CCDC178: variants seen among roughly 807,000 people sequenced by gnomAD.
The protein encoded by CCDC178 is coiled-coil domain-containing protein 178.
CCDC178 carries 126 observed loss-of-function variants against 117.4 expected under a neutral mutation model. That is an observed-to-expected ratio of 1.07 (90% CI 0.93 to 1.24). CCDC178 has a LOEUF of 1.24. Ranked by LOEUF, CCDC178 falls within the 50% of genes most tolerant of loss-of-function variation. The pLI is 0.00. For synonymous variants in CCDC178, 283 were observed against 313.4 expected (o/e 0.90, Z 1.02); for missense variants, 1,030 against 986.9 (o/e 1.04, Z -0.59).
chr18:33,023,715 A>C (rs1331414662), intron 21 of CCDC178, among the ~76,000 whole-genome samples: 3 of 152,172 alleles, frequency 2.0e-5, no homozygotes, highest in Admixed American at 2.0e-4. Context: ...AAATGGAAAA[A>C]ATATAAAAAC....
At chr18:33,071,961 AATTTTT>A (rs2057116787) in intron 21 of CCDC178, among the ~76,000 whole-genome samples, 1 of 152,124 alleles carries the variant, frequency 6.6e-6, no homozygotes, top group South Asian at 2.1e-4. Context: ...GCCTGGAAGA[AATTTTT>A]CTTATTATAA....
chr18:33,083,325 C>T (rs2057326245), intron 21 of CCDC178, among the ~76,000 whole-genome samples: 1 of 152,126 alleles, frequency 6.6e-6, no homozygotes, highest in South Asian at 2.1e-4. Flanking sequence ...ACCATTTGTG[C>T]ATATTTTGGT....
chr18:33,174,377 G>A (rs2058639285), intron 20 of CCDC178, among the ~76,000 whole-genome samples: 1 of 152,158 alleles, frequency 6.6e-6, no homozygotes, highest in Non-Finnish European at 1.5e-5. Flanking sequence ...TAAATTAATT[G>A]TCCAAGATCC....
chr18:33,273,698 C>A (rs1031984328), intron 12 of CCDC178, among the ~76,000 whole-genome samples: 2 of 151,538 alleles, frequency 1.3e-5, no homozygotes, highest in Admixed American at 6.6e-5. Context: ...CTACTTCATA[C>A]CATACACAAA....
rs377242750 is a variant in CCDC178 at position 33,266,997 on chromosome 18, G to A, written c.1328C>T (p.Ser443Phe). 8 of 1,600,994 alleles carry A rather than the reference G, an allele frequency of 5.0e-6. No homozygotes were observed. Among genetic ancestry groups the A allele is most frequent in the Middle Eastern group, 1.7e-4 (1 of 6,000 alleles). Residue 443 changes from serine (S) to phenylalanine (F), a missense_variant, in exon 14 of 23, where the codon TCT (serine) becomes TTT (phenylalanine). Coordinates refer to ENST00000383096, the MANE Select transcript of CCDC178 (RefSeq NM_001105528.4). ...TTCCGTCAGTTTTGTACATGCCAAA[G>A]AAATAGCTGAAAAATCTTTTGCAAC... ...SDVAKDFSAISLACTKLTEDN... is the reference protein window; with the variant it reads ...SDVAKDFSAIFLACTKLTEDN...
chr18:33,253,628 G>A (rs2059642339), intron 14 of CCDC178, among the ~76,000 whole-genome samples: 1 of 151,882 alleles, frequency 6.6e-6, no homozygotes, highest in African/African-American at 2.4e-5. Flanking sequence ...GTCAAATGTA[G>A]AGATGGAGAA....
Position 32,937,946 on chromosome 18 carries a change from GT to G in CCDC178, c.*64del. On this transcript the variant is annotated 3_prime_UTR_variant, in exon 23 of 23. Coordinates refer to ENST00000383096, the MANE Select transcript of CCDC178 (RefSeq NM_001105528.4). The stretch of plus-strand genomic sequence containing the variant: ...AAACAGGTGAATGTCCAATTACACT[GT>G]TATCTGAACTGTGTGACTTTTCTTG... The G allele has an allele frequency of 7.9e-7, 1 of 1,267,518 alleles. No individual in the cohort carries two copies. Among genetic ancestry groups the G allele is most frequent in the Non-Finnish European group, 1.2e-6 (1 of 868,558 alleles). 78.5% of individuals were successfully genotyped at this position (1,267,518 alleles called of 1,614,324 possible).
chr18:32,967,997 G>A (rs2054850033), intron 22 of CCDC178, among the ~76,000 whole-genome samples: 2 of 150,818 alleles, frequency 1.3e-5, no homozygotes, highest in African/African-American at 2.4e-5. Flanking sequence ...TCATTTCTTT[G>A]TGACAGCACT....
chr18:33,255,276 G>C (rs2059665362), intron 14 of CCDC178, among the ~76,000 whole-genome samples: 1 of 151,954 alleles, frequency 6.6e-6, no homozygotes, highest in South Asian at 2.1e-4. Flanking sequence ...CAGGTATTCT[G>C]TTATAGTAAC....
At chr18:32,999,531 A>G (rs1405051551) in intron 21 of CCDC178, among the ~76,000 whole-genome samples, 1 of 152,146 alleles carries the variant, frequency 6.6e-6, no homozygotes, top group Non-Finnish European at 1.5e-5. Flanking sequence ...GGTCTTAGGC[A>G]AAACCCAGTG....
At chr18:33,196,410 T>C (rs1453031676) in intron 20 of CCDC178, among the ~76,000 whole-genome samples, 1 of 152,184 alleles carries the variant, frequency 6.6e-6, no homozygotes, top group African/African-American at 2.4e-5. Flanking sequence ...GACTCGGTGC[T>C]ATATGTTTCC....
At chr18:33,138,850 G>A (rs1194393332) in intron 20 of CCDC178, among the ~76,000 whole-genome samples, 1 of 152,146 alleles carries the variant, frequency 6.6e-6, no homozygotes, top group African/African-American at 2.4e-5. Flanking sequence ...TAGTTGCCTT[G>A]AAGTGGTACA....
At chr18:33,048,239 C>G (rs1188998403) in intron 21 of CCDC178, among the ~76,000 whole-genome samples, 3 of 152,122 alleles carry the variant, frequency 2.0e-5, no homozygotes, top group African/African-American at 7.2e-5. Flanking sequence ...GTCTACAGAA[C>G]TGTGAAGCAA....
chr18:33,020,501 A>C (rs116865298), intron 21 of CCDC178, among the ~76,000 whole-genome samples: 166 of 152,290 alleles, frequency 1.1e-3, no homozygotes, highest in Non-Finnish European at 2.1e-3. Context: ...TTTCCTTTAA[A>C]TAAGATAAGG....
At chr18:33,422,997 T>C (rs1380241174) in intron 2 of CCDC178, among the ~76,000 whole-genome samples, 1 of 152,220 alleles carries the variant, frequency 6.6e-6, no homozygotes, top group Non-Finnish European at 1.5e-5. Flanking sequence ...ATTCCTCTAA[T>C]TTTGTTTGCT....
chr18:33,335,243 A>G (rs1329411776), intron 9 of CCDC178, among the ~76,000 whole-genome samples: 2 of 152,038 alleles, frequency 1.3e-5, no homozygotes, highest in Non-Finnish European at 2.9e-5. Context: ...TTTTTGATAT[A>G]ACAAAAGCTA....
chr18:33,254,875 AGTTT>A (rs1410896555), intron 14 of CCDC178, among the ~76,000 whole-genome samples: 3 of 152,152 alleles, frequency 2.0e-5, no homozygotes, highest in East Asian at 1.9e-4. Flanking sequence ...GTTTGGAGAT[AGTTT>A]GTTTGTCACT....
At chr18:33,358,564 T>G (rs2063088224) in intron 6 of CCDC178, among the ~76,000 whole-genome samples, 1 of 151,830 alleles carries the variant, frequency 6.6e-6, no homozygotes, top group Admixed American at 6.6e-5. Context: ...ATAAAATCAA[T>G]GTGGAAAAAA....
intron 22 of CCDC178, among the ~76,000 whole-genome samples, chr18:32,970,210 A>C (rs914809355): frequency 5.3e-5 from 8 of 151,890 alleles, no homozygotes; most frequent in Non-Finnish European, 1.0e-4. Context: ...TGATCATGTA[A>C]TTCAAAAGCT....
Sources: allele counts gnomAD v4.1 joint callset (sites outside exome capture counted in the v4.1 genomes callset), GRCh38; gene constraint gnomAD v4.1.1; transcripts MANE v1.5; gene names NCBI Gene and HGNC (gene_info 2026-07-23, HGNC 2026-07-21).